Variants in ASCC3 observed in about 807,000 individuals in gnomAD.
ASCC3 encodes ASC-1 complex subunit P200.
ASCC3 carries 158 observed loss-of-function variants against 256.3 expected under a neutral mutation model. That is an observed-to-expected ratio of 0.62 (90% CI 0.54 to 0.70). The LOEUF (loss-of-function observed/expected upper bound fraction) is 0.70, where lower values mean the gene tolerates loss of function less well. Among genes scored for constraint, ASCC3 ranks in the 30% least tolerant of loss-of-function variants. ASCC3 has a pLI of 0.00. For synonymous variants in ASCC3, 948 were observed against 883.4 expected (o/e 1.07, Z -1.30); for missense variants, 2,259 against 2,626.0 (o/e 0.86, Z 3.05).
intron 13 of ASCC3, among the ~76,000 whole-genome samples, chr6:100,707,840 G>A (rs1379912809): frequency 6.6e-6 from 1 of 152,056 alleles, no homozygotes; most frequent in African/African-American, 2.4e-5. Context: ...TAGAAAAATT[G>A]CAGTTCCTTA....
chr6:100,687,509 G>A (rs1269948017), intron 13 of ASCC3, among the ~76,000 whole-genome samples: 5 of 151,764 alleles, frequency 3.3e-5, no homozygotes, highest in Admixed American at 6.6e-5. Context: ...CTACAGGTGC[G>A]CACCACCATG....
At chr6:100,833,101 A>G (rs1771699821) in intron 4 of ASCC3, among the ~76,000 whole-genome samples, 1 of 152,196 alleles carries the variant, frequency 6.6e-6, no homozygotes, top group South Asian at 2.1e-4. Context: ...ATATCTGTAT[A>G]ATGGAGTATT....
chr6:100,792,571 T>TA (rs536134287), intron 8 of ASCC3, among the ~76,000 whole-genome samples: 40 of 152,106 alleles, frequency 2.6e-4, no homozygotes, highest in African/African-American at 9.1e-4. Flanking sequence ...TAATTATTGC[T>TA]AGTGCTATAA....
intron 4 of ASCC3, among the ~76,000 whole-genome samples, chr6:100,827,616 T>G (rs1771383936): frequency 6.6e-6 from 1 of 152,168 alleles, no homozygotes; most frequent in South Asian, 2.1e-4. Context: ...TTTTGGCAAT[T>G]AAGTCTTTTT....
chr6:100,530,836 A>T (rs1774834807), intron 37 of ASCC3: 4 of 1,243,066 alleles, frequency 3.2e-6, no homozygotes, highest in Non-Finnish European at 4.7e-6. Flanking sequence ...TTAGTGCTTA[A>T]TAGAAGATTT....
At chr6:100,860,271 C>T (rs1486799877) in intron 3 of ASCC3, among the ~76,000 whole-genome samples, 1 of 151,880 alleles carries the variant, frequency 6.6e-6, no homozygotes, top group Non-Finnish European at 1.5e-5. Context: ...GCTATGCCTA[C>T]AATGAGTATT....
At chr6:100,579,943 T>A (rs899085468) in intron 36 of ASCC3, among the ~76,000 whole-genome samples, 3 of 152,208 alleles carry the variant, frequency 2.0e-5, no homozygotes, top group African/African-American at 7.2e-5. Context: ...CAATAGCGAT[T>A]CTTCCTATTC....
chr6:100,534,959 G>T (rs1471290140), intron 37 of ASCC3, among the ~76,000 whole-genome samples: 1 of 152,162 alleles, frequency 6.6e-6, no homozygotes, highest in Non-Finnish European at 1.5e-5. Context: ...AAATTACTAT[G>T]ATAAAGCGAG....
chr6:100,826,816 C>T (rs1582923472), intron 4 of ASCC3, among the ~76,000 whole-genome samples: 1 of 152,168 alleles, frequency 6.6e-6, no homozygotes, highest in Admixed American at 6.5e-5. Flanking sequence ...CTACTAATTC[C>T]ATCTAAACTG....
chr6:100,807,377 G>A (rs1156274487), intron 4 of ASCC3, among the ~76,000 whole-genome samples: 1 of 147,610 alleles, frequency 6.8e-6, no homozygotes, highest in Non-Finnish European at 1.5e-5. Context: ...GATGCTGGTA[G>A]ACAAGACATA....
At chr6:100,589,847 T>C (rs1256505700) in intron 35 of ASCC3, 79 bp from the exon 36 acceptor site, 3 of 1,597,858 alleles carry the variant, frequency 1.9e-6, no homozygotes, top group South Asian at 1.1e-5. Flanking sequence ...ACAGGTGCTT[T>C]TGAAACAATT....
chr6:100,697,204 A>C (rs1778129063), intron 13 of ASCC3, among the ~76,000 whole-genome samples: 2 of 152,064 alleles, frequency 1.3e-5, no homozygotes, highest in South Asian at 4.1e-4. Flanking sequence ...TGGAGGTGTG[A>C]AACAAAACAA....
chr6:100,828,234 G>T lies in ASCC3; in HGVS notation c.801+19914C>A, dbSNP rs550128240. On this transcript the variant is annotated intron_variant, in intron 4 of 41. Coordinates refer to ENST00000369162, the MANE Select transcript of ASCC3 (RefSeq NM_006828.4). ...TTTAGCAAATTATTTAGCCTAATAT[G>T]TAACTGGAACTAGTTAAGAGGAAAT... Among the ~76,000 whole-genome samples the T allele has an allele frequency of 5.9e-4, 90 of 152,132 alleles. 1 individual carries two copies. The highest frequency in any genetic ancestry group is 2.0e-3 in the African/African-American group (85 of 41,516).
intron 30 of ASCC3, among the ~76,000 whole-genome samples, chr6:100,623,227 C>G (rs1774053468): frequency 6.6e-6 from 1 of 152,048 alleles, no homozygotes; most frequent in South Asian, 2.1e-4. Flanking sequence ...ATCAACATTA[C>G]TTTGAACATA....
rs151088760 is a variant in ASCC3 at position 100,836,789 on chromosome 6, A to C, written c.801+11359T>G. 3.8e-4 allele frequency among the ~76,000 whole-genome samples: 58 copies of C among 152,198 alleles called. No homozygotes were observed. The East Asian group carries it at 0.011, about 28-fold the overall frequency. On this transcript the variant is annotated intron_variant, in intron 4 of 41. Transcript: ENST00000369162. ...CTTTGGAAGTATCCACTCCTCTTCA[A>C]GTTTTTGGAATAATTTGAGTAGAAC...
At chr6:100,836,201 G>T (rs1771866924) in intron 4 of ASCC3, among the ~76,000 whole-genome samples, 1 of 152,038 alleles carries the variant, frequency 6.6e-6, no homozygotes, top group South Asian at 2.1e-4. Context: ...TGCAAACGGG[G>T]ACAATTTAAC....
intron 24 of ASCC3, among the ~76,000 whole-genome samples, chr6:100,642,171 A>G (rs1252438086): frequency 3.9e-5 from 6 of 152,142 alleles, no homozygotes; most frequent in Non-Finnish European, 7.4e-5. Context: ...TAAAAAAAAA[A>G]AAAACTAATA....
intron 30 of ASCC3, among the ~76,000 whole-genome samples, chr6:100,607,442 T>C (rs992321305): frequency 6.6e-6 from 1 of 151,892 alleles, no homozygotes; most frequent in African/African-American, 2.4e-5. Flanking sequence ...TTTTTGAAGT[T>C]CAGTGCCAAA....
chr6:100,552,328 AT>A, intron 36 of ASCC3, among the ~76,000 whole-genome samples: 1 of 152,060 alleles, frequency 6.6e-6, no homozygotes, highest in East Asian at 1.9e-4. Flanking sequence ...AAAAAATATG[AT>A]TCTTAAAGTG....
Sources: allele counts gnomAD v4.1 joint callset (sites outside exome capture counted in the v4.1 genomes callset), GRCh38; gene constraint gnomAD v4.1.1; transcripts MANE v1.5; gene names NCBI Gene and HGNC (gene_info 2026-07-23, HGNC 2026-07-21).